The following SCN8A variants were observed in gnomAD, a reference collection of about 807,000 sequenced individuals.
The protein encoded by SCN8A is sodium voltage-gated channel alpha subunit 8.
A neutral mutation model predicts 184.1 loss-of-function variants in SCN8A; 30 were observed. That is an observed-to-expected ratio of 0.16 (90% CI 0.12 to 0.22). The LOEUF is 0.22. SCN8A is among the 10% of genes least tolerant of loss of function. The pLI is 1.00. For synonymous variants in SCN8A, 852 were observed against 907.0 expected (o/e 0.94, Z 1.09); for missense variants, 1,057 against 2,498.9 (o/e 0.42, Z 12.30).
chr12:51,772,924 A>G (rs303804), intron 19 of SCN8A, among the ~76,000 whole-genome samples: 126,665 of 149,722 alleles, frequency 0.85, 53,684 homozygotes, highest in East Asian at 0.97. Flanking sequence ...AGACCATCCC[A>G]GCTAACACAG....
chr12:51,694,719 A>C (rs1941564987), intron 6 of SCN8A, among the ~76,000 whole-genome samples: 1 of 152,186 alleles, frequency 6.6e-6, no homozygotes, highest in Non-Finnish European at 1.5e-5. Flanking sequence ...GAGCCAATAG[A>C]ATAAAAAGAC....
intron 12 of SCN8A, 56 bp downstream of exon 12, chr12:51,721,964 C>G (rs1202125558): frequency 6.3e-7 from 1 of 1,599,090 alleles, no homozygotes; most frequent in South Asian, 1.1e-5. Context: ...ACAAATAGAT[C>G]GAGGCTAGGC....
chr12:51,780,605 G>GTTTT, intron 20 of SCN8A, 44 bp from the exon 21 acceptor site: 1 of 71,134 alleles, frequency 1.4e-5, no homozygotes, highest in Non-Finnish European at 2.3e-5. Context: ...TTTTTTTTTT[G>GTTTT]GTTACCTTTT....
intron 11 of SCN8A, among the ~76,000 whole-genome samples, chr12:51,708,057 CT>C (rs1303229211): frequency 1.3e-5 from 2 of 152,152 alleles, no homozygotes; most frequent in African/African-American, 4.8e-5. Flanking sequence ...GGCAGACTTG[CT>C]TGGCAGTAAA....
intron 18 of SCN8A, 69 bp from the exon 19 acceptor site, chr12:51,770,460 A>G: frequency 6.8e-7 from 1 of 1,472,336 alleles, no homozygotes; most frequent in South Asian, 1.4e-5. Context: ...GGCCTGGGAG[A>G]TGGAGGAGAG....
Position 51,786,670 on chromosome 12 carries a change from T to C in SCN8A, c.4071T>C (p.Phe1357=). 6.2e-7 allele frequency: 1 copy of C among 1,614,032 alleles called. No individual in the cohort carries two copies. Among genetic ancestry groups the C allele is most frequent in the Non-Finnish European group, 8.5e-7 (1 of 1,179,908 alleles). Residue 1357 remains phenylalanine, a synonymous_variant, in exon 22 of 27, where the codon TTT becomes TTC. Transcript: ENST00000627620. ...NLFAGKYHYC[F]NETSEIRFEI... is the part of the protein sequence containing the mutation. ...TTGCGGGAAAGTACCACTACTGCTT[T>C]AATGAGACTTCTGAAATCCGATTTG...
chr12:51,597,224 G>A (rs1388636000), intron 1 of SCN8A, among the ~76,000 whole-genome samples: 1 of 152,156 alleles, frequency 6.6e-6, no homozygotes, highest in Non-Finnish European at 1.5e-5. Flanking sequence ...GACTAAAATA[G>A]GCGATGGAGA....
At chr12:51,667,386 G>A (rs1169839558) in intron 2 of SCN8A, among the ~76,000 whole-genome samples, 1 of 149,408 alleles carries the variant, frequency 6.7e-6, no homozygotes, top group African/African-American at 2.5e-5. Flanking sequence ...TTTTTTTTTG[G>A]AGACAGAGTC....
chr12:51,751,611 C>T lies in SCN8A; in HGVS notation c.2370+18C>T. 2 of 1,546,946 alleles carry T rather than the reference C, an allele frequency of 1.3e-6. No individual in the cohort carries two copies. Among genetic ancestry groups the T allele is most frequent in the Non-Finnish European group, 8.9e-7 (1 of 1,119,380 alleles). ...GAAATCTGGTAAGATGGAACACTGT[C>T]TCCCGATATTAGGATTGGAATGTGT... On this transcript the variant is annotated intron_variant, in intron 14 of 26. Transcript: ENST00000627620.
intron 20 of SCN8A, chr12:51,780,407 G>T: frequency 2.6e-6 from 1 of 388,418 alleles, no homozygotes; most frequent in South Asian, 2.5e-5. Context: ...CTTCCCTGTT[G>T]TTTTTTCTTC....
chr12:51,648,683 G>T (rs1459348288), intron 1 of SCN8A, among the ~76,000 whole-genome samples: 1 of 152,096 alleles, frequency 6.6e-6, no homozygotes. Context: ...AGAACAGTAT[G>T]GGGGAAACCA....
rs1939847948 is a variant in SCN8A, at chr12:51,616,753, C to T, written c.-55+25394C>T. ...GGGCAACATAGGGAGACCCCCATCT[C>T]TACAAATAATAAAAAATTAGCCAGG... On this transcript the variant is annotated intron_variant, in intron 1 of 26. Transcript: ENST00000627620. 2.0e-5 allele frequency among the ~76,000 whole-genome samples: 3 copies of T among 150,320 alleles called. No individual in the cohort carries two copies. The South Asian group carries it at 6.3e-4, about 32-fold the overall frequency.
At chr12:51,627,649 G>C (rs1940109283) in intron 1 of SCN8A, among the ~76,000 whole-genome samples, 1 of 152,188 alleles carries the variant, frequency 6.6e-6, no homozygotes, top group African/African-American at 2.4e-5. Context: ...CCAAATTGCT[G>C]GGATTACAGG....
intron 12 of SCN8A, among the ~76,000 whole-genome samples, chr12:51,729,746 GT>G (rs1288329471): frequency 1.3e-5 from 2 of 152,166 alleles, no homozygotes; most frequent in African/African-American, 4.8e-5. Flanking sequence ...TTGCCAAACA[GT>G]TCCTCAGAAT....
chr12:51,617,983 G>T (rs150706705), intron 1 of SCN8A, among the ~76,000 whole-genome samples: 1 of 152,122 alleles, frequency 6.6e-6, no homozygotes. Flanking sequence ...GATGAGCCCC[G>T]GAATTCATAT....
intron 11 of SCN8A, chr12:51,712,840 C>T: frequency 7.7e-7 from 1 of 1,305,906 alleles, no homozygotes; most frequent in Non-Finnish European, 1.1e-6. Context: ...ACTACCTCTG[C>T]TGCCACCACC....
intron 2 of SCN8A, among the ~76,000 whole-genome samples, chr12:51,663,902 G>GTTTTTT (rs1940974819): frequency 5.1e-5 from 3 of 58,738 alleles, no homozygotes; most frequent in East Asian, 8.1e-4. Flanking sequence ...TCATTTGACA[G>GTTTTTT]ATTTTTTTTT....
intron 1 of SCN8A, among the ~76,000 whole-genome samples, chr12:51,603,858 GAA>G (rs2138562863): frequency 6.6e-6 from 1 of 151,832 alleles, no homozygotes; most frequent in Admixed American, 6.6e-5. Context: ...GTATCTTTGT[GAA>G]GTGTCTGTTG....
At chr12:51,655,551 T>C (rs1343710873) in intron 1 of SCN8A, among the ~76,000 whole-genome samples, 3 of 151,984 alleles carry the variant, frequency 2.0e-5, no homozygotes, top group Non-Finnish European at 2.9e-5. Context: ...TTTTTTTACT[T>C]TTTGTAGAGA....
Sources: allele counts gnomAD v4.1 joint callset (sites outside exome capture counted in the v4.1 genomes callset), GRCh38; gene constraint gnomAD v4.1.1; transcripts MANE v1.5; gene names NCBI Gene and HGNC (gene_info 2026-07-23, HGNC 2026-07-21).